The following SEC23IP variants were observed in gnomAD, a reference collection of about 807,000 sequenced individuals.
SEC23IP encodes SEC23 interacting protein.
SEC23IP carries 70 observed loss-of-function variants against 113.4 expected under a neutral mutation model. The ratio of observed to expected loss-of-function variants is 0.62; its 90% CI spans 0.51 to 0.75. SEC23IP has a LOEUF of 0.75. Among genes scored for constraint, SEC23IP ranks in the 30% least tolerant of loss-of-function variants. The pLI is 0.00. For missense variants in SEC23IP, 1,160 were observed against 1,204.9 expected, an observed-to-expected ratio of 0.96 and a Z score of 0.55; for synonymous variants, 398 against 421.0, an observed-to-expected ratio of 0.95 and a Z score of 0.67.
chr10:119,892,873 T>G lies in SEC23IP; in HGVS notation c.91T>G (p.Phe31Val). 1 of 1,613,548 alleles carries G rather than the reference T, an allele frequency of 6.2e-7. No homozygotes were observed. The highest frequency in any genetic ancestry group is 8.5e-7 in the Non-Finnish European group (1 of 1,179,820). ...ACTTTTCTCCTCCTCGGCCACGGAG[T>G]TCAGCTTCAATGTGCCCTTCATCCC... ...NLLFSSSATE[F>V]SFNVPFIPVT... Residue 31 changes from phenylalanine to valine, a missense_variant, in exon 1 of 19, where the codon TTC (phenylalanine) becomes GTC (valine). Coordinates refer to ENST00000369075, the MANE Select transcript of SEC23IP (RefSeq NM_007190.4).
rs535050352 is a variant in SEC23IP at position 119,930,261 on chromosome 10, G to A, written c.2470-68G>A. ...CCATGTATCCATTTTCTTACCCAGC[G>A]AAGGCATATAACTCAAAACAGCTTT... On this transcript the variant is annotated intron_variant, in intron 14 of 18. Coordinates refer to ENST00000369075, the MANE Select transcript of SEC23IP (RefSeq NM_007190.4). 2.6e-4 allele frequency: 210 copies of A among 823,192 alleles called. No individual in the cohort carries two copies. The African/African-American group carries it at 3.2e-3, about 13-fold the overall frequency. The allele number at this position is 823,192 out of a possible 1,614,324, so 51.0% of individuals were successfully genotyped here.
At chr10:119,930,092 C>G (rs1387302771) in intron 14 of SEC23IP, among the ~76,000 whole-genome samples, 1 of 152,164 alleles carries the variant, frequency 6.6e-6, no homozygotes, top group Non-Finnish European at 1.5e-5. Flanking sequence ...CTGACACTTT[C>G]CAATAAACTT....
At chr10:119,927,239 A>G (rs536361793) in intron 13 of SEC23IP, among the ~76,000 whole-genome samples, 6 of 152,292 alleles carry the variant, frequency 3.9e-5, no homozygotes, top group Admixed American at 3.9e-4. Flanking sequence ...AGTAATGACT[A>G]ATTTCACTGT....
intron 18 of SEC23IP, among the ~76,000 whole-genome samples, chr10:119,934,433 A>C (rs573944399): frequency 1.3e-5 from 2 of 152,336 alleles, no homozygotes; most frequent in South Asian, 2.1e-4. Flanking sequence ...GAGCATTCCC[A>C]ATCTTTATAG....
chr10:119,925,010 C>T (rs1268264987), intron 12 of SEC23IP, among the ~76,000 whole-genome samples: 2 of 152,048 alleles, frequency 1.3e-5, no homozygotes, highest in Non-Finnish European at 2.9e-5. Context: ...CCCCTGAGCT[C>T]AAGAGATCCA....
At chr10:119,924,408 TC>T (rs1366149916) in intron 12 of SEC23IP, among the ~76,000 whole-genome samples, 1 of 151,752 alleles carries the variant, frequency 6.6e-6, no homozygotes, top group African/African-American at 2.4e-5. Flanking sequence ...GGCTTTTCTC[TC>T]GTTATAGAGA....
chr10:119,933,198 G>A (rs1473432821), intron 17 of SEC23IP, 31 bp downstream of exon 17: 4 of 1,603,622 alleles, frequency 2.5e-6, no homozygotes, highest in African/African-American at 1.3e-5. Context: ...TAACATTTGA[G>A]TGGGCTTTTG....
chr10:119,898,569 A>C lies in SEC23IP; in HGVS notation c.306A>C (p.Thr102=). ...GGAATATTGGACAGTCACCATTAAC[A>C]ACTGCAGCAACCTCAGTTGGACAAT... ...PFGNIGQSPL[T]TAATSVGQSG... The change falls in exon 2 of 19, where the codon ACA becomes ACC. Residue 102 remains threonine (T), a synonymous_variant. Transcript: ENST00000369075. 6.2e-7 allele frequency: 1 copy of C among 1,614,194 alleles called. No homozygotes were observed. The highest frequency in any genetic ancestry group is 1.7e-5 in the Admixed American group (1 of 60,030).
At chr10:119,892,970 G>A in intron 1 of SEC23IP, 25 bp downstream of exon 1, 1 of 1,598,796 alleles carries the variant, frequency 6.3e-7, no homozygotes. Context: ...GCGGCCCCGT[G>A]TGTGGTGGGA....
At position 119,898,745 on chromosome 10, in the gene SEC23IP, G is replaced by A. The variant is rs759221299; in HGVS notation, c.482G>A (p.Ser161Asn). 8.7e-6 allele frequency: 14 copies of A among 1,614,064 alleles called. No homozygotes were observed. Among genetic ancestry groups the A allele is most frequent in the African/African-American group, 1.3e-5 (1 of 74,910 alleles). The change falls in exon 2 of 19, where the codon AGT becomes AAT. Residue 161 changes from serine (S) to asparagine (N), a missense_variant. Coordinates refer to ENST00000369075, the MANE Select transcript of SEC23IP (RefSeq NM_007190.4). ...AATTCTTATCTGCCTTCTCAGCCAA[G>A]TAGTCTCCCTCCTTCATATTTTGGG... ...GINSYLPSQP[S>N]SLPPSYFGNQ...
intron 2 of SEC23IP, 57 bp from the exon 3 acceptor site, chr10:119,902,742 C>A: frequency 7.3e-7 from 1 of 1,369,494 alleles, no homozygotes. Context: ...GGGTGTGAAG[C>A]ATATTCAGAA....
At chr10:119,893,498 A>G (rs1854165892) in intron 1 of SEC23IP, among the ~76,000 whole-genome samples, 1 of 150,396 alleles carries the variant, frequency 6.6e-6, no homozygotes, top group African/African-American at 2.5e-5. Flanking sequence ...GTAGACATAT[A>G]CAATGCATTC....
At chr10:119,893,073 G>C in intron 1 of SEC23IP, 128 bp downstream of exon 1, 1 of 1,068,980 alleles carries the variant, frequency 9.4e-7, no homozygotes, top group Non-Finnish European at 1.3e-6. Flanking sequence ...GATCATTACT[G>C]GCCAGGTTTG....
chr10:119,926,069 G>A lies in SEC23IP; in HGVS notation c.2155G>A (p.Ala719Thr). Residue 719 changes from alanine to threonine, a missense_variant, in exon 13 of 19, where the codon GCC (alanine) becomes ACC (threonine). Transcript: ENST00000369075. Reference sequence around the variant, plus strand: ...AGCGTCAGAAAAGAAGGCAGTGGCGGCCACTTCTACAAAAGGACAAGAGCA... The same window carrying A: ...AGCGTCAGAAAAGAAGGCAGTGGCGACCACTTCTACAAAAGGACAAGAGCA... Reference protein sequence around the residue: ...KAASEKKAVAATSTKGQEQSA... With the variant: ...KAASEKKAVATTSTKGQEQSA... 1 of 1,613,458 alleles carries A rather than the reference G, an allele frequency of 6.2e-7. No homozygotes were observed. The highest frequency in any genetic ancestry group is 1.1e-5 in the South Asian group (1 of 90,978).
chr10:119,931,713 C>T (rs57391435), intron 15 of SEC23IP, among the ~76,000 whole-genome samples: 127 of 151,558 alleles, frequency 8.4e-4, no homozygotes, highest in African/African-American at 2.6e-3. Context: ...CCACCACGCC[C>T]GGCTAATTTT....
At position 119,940,744 on chromosome 10, in the gene SEC23IP, A is replaced by G. The variant is rs1325315800; in HGVS notation, c.*179A>G. 6.6e-6 allele frequency: 1 copy of G among 152,178 alleles called. No individual in the cohort carries two copies. The highest frequency in any genetic ancestry group is 2.4e-5 in the African/African-American group (1 of 41,440). 9.4% of individuals were successfully genotyped at this position (152,178 alleles called of 1,614,324 possible). A position where few individuals can be genotyped will look rare whatever the true frequency, so the allele number is the denominator to read the frequency against. On this transcript the variant is annotated 3_prime_UTR_variant, in exon 19 of 19. Coordinates refer to ENST00000369075, the MANE Select transcript of SEC23IP (RefSeq NM_007190.4). ...GATATAGGGATTCAAAAGACAGGAC[A>G]CAGAACTAACACAGTGAAAAAAATC...
At chr10:119,927,877 A>T (rs1042704043) in intron 13 of SEC23IP, among the ~76,000 whole-genome samples, 4 of 152,222 alleles carry the variant, frequency 2.6e-5, no homozygotes, top group African/African-American at 9.6e-5. Flanking sequence ...GACATAGGGT[A>T]GCTGGGCCAA....
At chr10:119,893,737 C>A (rs547237440) in intron 1 of SEC23IP, among the ~76,000 whole-genome samples, 3 of 152,132 alleles carry the variant, frequency 2.0e-5, no homozygotes, top group Admixed American at 1.3e-4. Flanking sequence ...CCAGGATGGT[C>A]TCAATCTCCT....
intron 2 of SEC23IP, among the ~76,000 whole-genome samples, chr10:119,899,601 C>T (rs1854411799): frequency 6.6e-6 from 1 of 152,184 alleles, no homozygotes. Flanking sequence ...CAGAATGTAA[C>T]TAACTTCTCT....
Sources: allele counts gnomAD v4.1 joint callset (sites outside exome capture counted in the v4.1 genomes callset), GRCh38; gene constraint gnomAD v4.1.1; transcripts MANE v1.5; gene names NCBI Gene and HGNC (gene_info 2026-07-23, HGNC 2026-07-21).